The following HDAC4 variants were observed in gnomAD, a reference collection of about 807,000 sequenced individuals.
The protein encoded by HDAC4 is histone deacetylase A.
A neutral mutation model predicts 135.1 loss-of-function variants in HDAC4; 16 were observed. The ratio of observed to expected loss-of-function variants is 0.12; its 90% CI spans 0.08 to 0.18. The LOEUF (loss-of-function observed/expected upper bound fraction) is 0.18. Among genes scored for constraint, HDAC4 ranks in the 10% least tolerant of loss-of-function variants. The pLI is 1.00. For missense variants in HDAC4, 1,143 were observed against 1,511.8 expected (o/e 0.76, Z 4.05); for synonymous variants, 685 against 653.4 (o/e 1.05, Z -0.74).
At position 239,144,571 on chromosome 2, in the gene HDAC4, C is replaced by T. The variant is rs754873136; in HGVS notation, c.865+12G>A. 56 of 1,613,112 alleles carry T rather than the reference C, an allele frequency of 3.5e-5. No individual in the cohort carries two copies. Among genetic ancestry groups the T allele is most frequent in the Non-Finnish European group, 4.2e-5 (49 of 1,180,024 alleles). ...GGGCAGCGGGGCGGGTGTACCTGCT[C>T]AGCCGACATACCTGTGACATCCAAC... is the stretch of plus-strand genomic sequence containing the variant. On this transcript the variant is annotated intron_variant, in intron 8 of 26. Coordinates refer to ENST00000543185, the MANE Select transcript of HDAC4 (RefSeq NM_001378414.1).
intron 3 of HDAC4, among the ~76,000 whole-genome samples, chr2:239,195,813 G>T (rs183563872): frequency 6.6e-6 from 1 of 152,190 alleles, no homozygotes. Flanking sequence ...CACAAAGGCC[G>T]CATTCAGAGT....
intron 2 of HDAC4, among the ~76,000 whole-genome samples, chr2:239,290,245 T>C (rs2051383675): frequency 6.6e-6 from 1 of 152,238 alleles, no homozygotes; most frequent in African/African-American, 2.4e-5. Flanking sequence ...TACTCTTACC[T>C]AGTTCCCTGT....
chr2:239,053,227 G>C lies in HDAC4; in HGVS notation c.3231-91C>G, dbSNP rs1030667266. On this transcript the variant is annotated intron_variant, in intron 26 of 26. Coordinates refer to ENST00000543185, the MANE Select transcript of HDAC4 (RefSeq NM_001378414.1). ...GAACGTGGGTTAAAGGCTGTGTGCT[G>C]CCCCACCCGCCAGCCTAGCCCTGGC... 4.7e-6 allele frequency: 7 copies of C among 1,497,368 alleles called. No homozygotes were observed. The South Asian group carries it at 8.3e-5, about 18-fold the overall frequency. The allele number at this position is 1,497,368 out of a possible 1,614,324, so 92.8% of individuals were successfully genotyped here. A position where few individuals can be genotyped will look rare whatever the true frequency, so the allele number is the denominator to read the frequency against.
At chr2:239,363,766 T>C (rs1694001638) in intron 1 of HDAC4, among the ~76,000 whole-genome samples, 2 of 152,066 alleles carry the variant, frequency 1.3e-5, no homozygotes, top group South Asian at 4.1e-4. Flanking sequence ...TATCAAAAGA[T>C]GCAGAAGAGG....
intron 13 of HDAC4, among the ~76,000 whole-genome samples, 162 bp downstream of exon 13, chr2:239,114,891 A>C (rs558621749): frequency 9.8e-4 from 149 of 152,292 alleles, no homozygotes; most frequent in African/African-American, 3.4e-3. Flanking sequence ...AATGGAAGCC[A>C]CATCAACCTC....
chr2:239,277,509 G>A (rs1230139619), intron 2 of HDAC4, among the ~76,000 whole-genome samples: 1 of 152,176 alleles, frequency 6.6e-6, no homozygotes, highest in African/African-American at 2.4e-5. Flanking sequence ...GTCACGCCAT[G>A]GTGGCCCATC....
chr2:239,227,526 C>T (rs550299673), intron 3 of HDAC4, among the ~76,000 whole-genome samples: 3 of 152,188 alleles, frequency 2.0e-5, no homozygotes, highest in Non-Finnish European at 4.4e-5. Context: ...AGATACCGTG[C>T]TCACCAGAAA....
At chr2:239,102,275 C>T (rs182494543) in intron 16 of HDAC4, among the ~76,000 whole-genome samples, 13 of 152,194 alleles carry the variant, frequency 8.5e-5, no homozygotes, top group Admixed American at 7.9e-4. Context: ...ACCAGCTCCC[C>T]GGGCAGAGGA....
rs932417950 is a variant in HDAC4 at position 239,055,113 on chromosome 2, C to A, written c.3004-280G>T. ...CCCAGGAGTGGGGCTGGCACCTGCA[C>A]GTGAACTTGGTATCTGCCATCGACG... is the stretch of plus-strand genomic sequence containing the variant. On this transcript the variant is annotated intron_variant, in intron 24 of 26. Transcript: ENST00000543185. 7 of 389,082 alleles carry A rather than the reference C, an allele frequency of 1.8e-5. No homozygotes were observed. In the East Asian group the frequency reaches 3.4e-4, roughly 19 times the overall value. The allele number at this position is 389,082 out of a possible 1,614,324, so 24.1% of individuals were successfully genotyped here. A position where few individuals can be genotyped will look rare whatever the true frequency, so the allele number is the denominator to read the frequency against.
At chr2:239,101,114 C>T (rs2037576688) in intron 16 of HDAC4, among the ~76,000 whole-genome samples, 1 of 152,146 alleles carries the variant, frequency 6.6e-6, no homozygotes, top group Non-Finnish European at 1.5e-5. Context: ...ACCTCGTGAA[C>T]CTGCTCAGCC....
At chr2:239,187,473 C>T (rs571331092) in intron 4 of HDAC4, among the ~76,000 whole-genome samples, 1 of 152,364 alleles carries the variant, frequency 6.6e-6, no homozygotes, top group South Asian at 2.1e-4. Context: ...AAGCCCTGGG[C>T]AGGCTGCAGG....
At chr2:239,304,777 G>A (rs1009247606) in intron 2 of HDAC4, among the ~76,000 whole-genome samples, 1 of 152,204 alleles carries the variant, frequency 6.6e-6, no homozygotes, top group African/African-American at 2.4e-5. Flanking sequence ...GCTTAGGAAT[G>A]ACACGCTATG....
At chr2:239,184,334 G>T (rs535977929) in intron 4 of HDAC4, among the ~76,000 whole-genome samples, 2 of 149,946 alleles carry the variant, frequency 1.3e-5, no homozygotes, top group South Asian at 2.1e-4. Context: ...ATGGTGGTGG[G>T]GGGGTCCCTC....
intron 2 of HDAC4, among the ~76,000 whole-genome samples, chr2:239,252,936 C>T (rs185302924): frequency 2.4e-3 from 372 of 152,370 alleles, no homozygotes; most frequent in African/African-American, 8.3e-3. Flanking sequence ...TGCGCTTCGC[C>T]GGCCACCGGT....
In HDAC4 at chr2:239,294,188, A is replaced by G. The variant is rs995633100; in HGVS notation, c.23-57524T>C. 2.6e-5 allele frequency among the ~76,000 whole-genome samples: 4 copies of G among 152,296 alleles called. No individual in the cohort carries two copies. In the South Asian group the frequency reaches 6.2e-4, roughly 24 times the overall value. ...ATTTACGCTAAAACAGAAGTGCCCCATGATCCACCTCTATCAACTCCCAGT... is the reference window on the plus strand; with the variant it reads ...ATTTACGCTAAAACAGAAGTGCCCCGTGATCCACCTCTATCAACTCCCAGT... On this transcript the variant is annotated intron_variant, in intron 2 of 26. Transcript: ENST00000543185.
chr2:239,377,435 C>A (rs1481111107), intron 1 of HDAC4, among the ~76,000 whole-genome samples: 1 of 152,232 alleles, frequency 6.6e-6, no homozygotes, highest in East Asian at 1.9e-4. Context: ...GAGGGCTGCC[C>A]CGACGCCTGC....
At chr2:239,107,883 G>T (rs1267171093) in intron 15 of HDAC4, among the ~76,000 whole-genome samples, 167 bp downstream of exon 15, 1 of 152,250 alleles carries the variant, frequency 6.6e-6, no homozygotes, top group African/African-American at 2.4e-5. Flanking sequence ...TCAGCAGATA[G>T]CTGCCCGCCC....
chr2:239,088,562 C>G (rs2036205246), intron 18 of HDAC4, among the ~76,000 whole-genome samples: 1 of 152,232 alleles, frequency 6.6e-6, no homozygotes, highest in South Asian at 2.1e-4. Context: ...ACTGCCCTGA[C>G]ACCTGCGCCG....
rs1390510244 is a variant in HDAC4 at position 239,099,642 on chromosome 2, C to T, written c.2233+3134G>A. Among the ~76,000 whole-genome samples the T allele has an allele frequency of 2.0e-5, 3 of 152,222 alleles. No homozygotes were observed. In the East Asian group the frequency reaches 5.8e-4, roughly 29 times the overall value. On this transcript the variant is annotated intron_variant, in intron 16 of 26. Transcript: ENST00000543185. ...ACAGAAAGCCGCCTGCCCTCTCTGC[C>T]GCCCTTGCCCTCTAGGGCTCCCTTC...
Sources: gnomAD v4.1 joint callset for allele counts (sites outside exome capture counted in the v4.1 genomes callset) on GRCh38, gnomAD v4.1.1 for gene constraint, MANE v1.5 for transcripts, NCBI Gene and HGNC (gene_info 2026-07-23, HGNC 2026-07-21) for gene names.